The following ZNF814 variants were observed in gnomAD, a reference collection of about 807,000 sequenced individuals.
ZNF814 encodes the protein zinc finger protein 814.
In ZNF814, 5 loss-of-function variants were observed where a neutral mutation model predicts 7.5. The ratio of observed to expected loss-of-function variants is 0.67; its 90% CI spans 0.35 to 1.40. The LOEUF (loss-of-function observed/expected upper bound fraction) is 1.40, where lower values mean the gene tolerates loss of function less well. Among genes scored for constraint, ZNF814 ranks in the 40% most tolerant of loss-of-function variants. ZNF814 has a pLI of 0.04. For missense variants in ZNF814, 962 were observed against 1,018.0 expected (o/e 0.94, Z 0.75); for synonymous variants, 315 against 340.7 (o/e 0.92, Z 0.83).
rs1201440491 is a variant in ZNF814, at chr19:57,871,686, G to A, written c.*1136C>T. ...TCCGTCTTTTCAAGTCAACGTAAGA[G>A]GCCTCTGGGATAAAAATGGGTAACG... On this transcript the variant is annotated 3_prime_UTR_variant, in exon 3 of 3. Coordinates refer to ENST00000435989, the MANE Select transcript of ZNF814 (RefSeq NM_001144989.2). 6.6e-6 allele frequency: 1 copy of A among 151,900 alleles called. No homozygotes were observed. The highest frequency in any genetic ancestry group is 1.5e-5 in the Non-Finnish European group (1 of 68,024). 9.4% of individuals were successfully genotyped at this position (151,900 alleles called of 1,614,324 possible). A position where few individuals can be genotyped will look rare whatever the true frequency, so the allele number is the denominator to read the frequency against.
chr19:57,880,181 T>C (rs1421251914), intron 1 of ZNF814, among the ~76,000 whole-genome samples: 6 of 128,840 alleles, frequency 4.7e-5, no homozygotes, highest in African/African-American at 1.9e-4. Flanking sequence ...TTAGAAAATC[T>C]AGCTGCTCCT....
intron 1 of ZNF814, among the ~76,000 whole-genome samples, chr19:57,882,953 T>A (rs1406156226): frequency 1.3e-5 from 2 of 152,176 alleles, no homozygotes; most frequent in Non-Finnish European, 2.9e-5. Context: ...CAGAGATACA[T>A]GACCTTTCAG....
At chr19:57,893,946 T>G (rs1241888978), upstream of ZNF814, among the ~76,000 whole-genome samples, 2 of 148,620 alleles carry the variant, frequency 1.3e-5, no homozygotes, top group Non-Finnish European at 3.0e-5. Context: ...TAGTCGTGCA[T>G]GTTGGTGTGC....
At chr19:57,888,282 A>G (rs567109486) in intron 1 of ZNF814, among the ~76,000 whole-genome samples, 1 of 152,348 alleles carries the variant, frequency 6.6e-6, no homozygotes, top group South Asian at 2.1e-4. Context: ...TGGAATCACA[A>G]GAGAATTGCC....
chr19:57,902,198 G>C, the ZNF814 span, among the ~76,000 whole-genome samples: 1 of 152,330 alleles, frequency 6.6e-6, no homozygotes, highest in Admixed American at 6.5e-5. Flanking sequence ...ATAGAGTTTG[G>C]TTTGAAGGTG....
At position 57,874,108 on chromosome 19, in the gene ZNF814, G is replaced by T. The variant is rs368554326; in HGVS notation, c.1282C>A (p.Arg428=). Reference sequence around the variant, plus strand: ...TAAGGTTTTTCTCCAGTGTGAAATCGCTGATGTTGAATGAGGCTGCTCTTT... The same window carrying T: ...TAAGGTTTTTCTCCAGTGTGAAATCTCTGATGTTGAATGAGGCTGCTCTTT... The part of the protein sequence containing the change: ...SQKSSLIQHQ[R]FHTGEKPYGC... Residue 428 remains arginine, a synonymous_variant, in exon 3 of 3, where the codon CGA becomes AGA. Coordinates refer to ENST00000435989, the MANE Select transcript of ZNF814 (RefSeq NM_001144989.2). 3.7e-6 allele frequency: 6 copies of T among 1,600,750 alleles called. No homozygotes were observed. Among genetic ancestry groups the T allele is most frequent in the East Asian group, 2.3e-5 (1 of 44,014 alleles).
At chr19:57,891,752 T>C (rs1012903035), upstream of ZNF814, among the ~76,000 whole-genome samples, 21 of 149,906 alleles carry the variant, frequency 1.4e-4, no homozygotes, top group Admixed American at 5.9e-4. Flanking sequence ...TTTATTCCTT[T>C]ACTTTCTTTT....
Position 57,872,841 on chromosome 19 carries a change from T to C in ZNF814, c.2549A>G (p.His850Arg). The change falls in exon 3 of 3, where the codon CAC (histidine) becomes CGC (arginine). Residue 850 changes from histidine to arginine, a missense_variant. Physicochemically the swap from His to Arg is conservative, Grantham distance 29. Coordinates refer to ENST00000435989, the MANE Select transcript of ZNF814 (RefSeq NM_001144989.2). The part of the protein sequence containing the change: ...KSHLLVHQSS[H>R]WRKAI The stretch of plus-strand genomic sequence containing the variant: ...TCACACTCATATGGCTTTTCTCCAG[T>C]GTGAACTCTGGTGTACAAGGAGGTG... 6.2e-7 allele frequency: 1 copy of C among 1,612,760 alleles called. No individual in the cohort carries two copies. Among genetic ancestry groups the C allele is most frequent in the Non-Finnish European group, 8.5e-7 (1 of 1,179,336 alleles).
chr19:57,894,323 G>GC, the ZNF814 span, among the ~76,000 whole-genome samples: 1 of 148,592 alleles, frequency 6.7e-6, no homozygotes, highest in South Asian at 2.1e-4. Flanking sequence ...CTGAGATCAT[G>GC]CCACTGCACT....
In ZNF814 at chr19:57,869,578, C is replaced by A. The variant is rs2051978421; in HGVS notation, c.*3244G>T. 1 of 152,078 alleles carries A rather than the reference C, an allele frequency of 6.6e-6. No individual in the cohort carries two copies. The highest frequency in any genetic ancestry group is 1.5e-5 in the Non-Finnish European group (1 of 68,022). The allele number at this position is 152,078 out of a possible 1,614,324, so 9.4% of individuals were successfully genotyped here. ...TGGTTTCATGGGATTATATGAAACT[C>A]AAGATTTATCACATGCTACAGCTTA... On this transcript the variant is annotated 3_prime_UTR_variant, in exon 3 of 3. Transcript: ENST00000435989.
At chr19:57,879,737 C>G (rs1471250416) in intron 1 of ZNF814, among the ~76,000 whole-genome samples, 1 of 148,512 alleles carries the variant, frequency 6.7e-6, no homozygotes, top group Non-Finnish European at 1.5e-5. Flanking sequence ...TATATTATGC[C>G]TACTCCCAAC....
chr19:57,877,270 C>G (rs1045760433), intron 1 of ZNF814, among the ~76,000 whole-genome samples: 2 of 152,082 alleles, frequency 1.3e-5, no homozygotes, highest in African/African-American at 4.8e-5. Flanking sequence ...GGCACTTTCC[C>G]TAGTATGGCC....
the ZNF814 span, among the ~76,000 whole-genome samples, chr19:57,899,769 A>G: frequency 6.6e-6 from 1 of 152,214 alleles, no homozygotes; most frequent in Non-Finnish European, 1.5e-5. Context: ...TTATTGTTCA[A>G]CAGAATGATC....
At chr19:57,890,401 C>T (rs1433936958), upstream of ZNF814, among the ~76,000 whole-genome samples, 3 of 152,048 alleles carry the variant, frequency 2.0e-5, no homozygotes, top group Admixed American at 2.0e-4. Context: ...TCCTGTTGCC[C>T]AGGCTGAAGT....
At position 57,869,942 on chromosome 19, in the gene ZNF814, C is replaced by CA. The variant is rs57591690; in HGVS notation, c.*2879dup. 66,471 of 132,670 alleles carry CA rather than the reference C, an allele frequency of 0.5. 19,040 individuals are homozygous for CA. The highest frequency in any genetic ancestry group is 0.75 in the South Asian group (3,095 of 4,110). 8.2% of individuals were successfully genotyped at this position (132,670 alleles called of 1,614,324 possible). ...CCTGGCTGACAGTGAGACTCTGTCTCAAAAAAAAAAAAAAAAGGTTGGGCA... is the reference window on the plus strand; with the variant it reads ...CCTGGCTGACAGTGAGACTCTGTCTCAAAAAAAAAAAAAAAAAGGTTGGGCA... On this transcript the variant is annotated 3_prime_UTR_variant, in exon 3 of 3. Coordinates refer to ENST00000435989, the MANE Select transcript of ZNF814 (RefSeq NM_001144989.2).
In ZNF814 at chr19:57,873,445, T is replaced by TCCTA. The variant is rs762260538; in HGVS notation, c.1941_1944dup (p.Asn649Ter). On this transcript the variant is annotated stop_gained and frameshift_variant, in exon 3 of 3. Transcript: ENST00000435989. LOFTEE classifies it low-confidence loss of function (END_TRUNC). ...TCTGTAGTGTGAACTCGCTGATGAT[T>TCCTA]CCTAAGGTGTCCTTTTTCATTAAAA... 9.9e-6 allele frequency: 16 copies of TCCTA among 1,613,750 alleles called. No homozygotes were observed. The highest frequency in any genetic ancestry group is 1.7e-5 in the Admixed American group (1 of 59,926).
rs2071574259 is a variant in ZNF814 at position 57,873,428 on chromosome 19, G to A, written c.1962C>T (p.His654=). The stretch of plus-strand genomic sequence containing the variant: ...CACACTTAAAAGGTCTTTCTGTAGT[G>A]TGAACTCGCTGATGATTCCTAAGGT... ...KGHLRNHQRV[H]TTERPFKCGE... Residue 654 remains histidine, a synonymous_variant, in exon 3 of 3, where the codon CAC becomes CAT. Transcript: ENST00000435989. 1 of 1,613,608 alleles carries A rather than the reference G, an allele frequency of 6.2e-7. No homozygotes were observed. Among genetic ancestry groups the A allele is most frequent in the Non-Finnish European group, 8.5e-7 (1 of 1,179,814 alleles).
intron 1 of ZNF814, among the ~76,000 whole-genome samples, chr19:57,886,287 T>C (rs1427974546): frequency 6.6e-6 from 1 of 152,096 alleles, no homozygotes; most frequent in East Asian, 1.9e-4. Flanking sequence ...TCCTTGGCCC[T>C]GGAGTCAGGT....
chr19:57,870,478 C>T lies in ZNF814; in HGVS notation c.*2344G>A, dbSNP rs994072470. 6.6e-6 allele frequency: 1 copy of T among 152,106 alleles called. No homozygotes were observed. The highest frequency in any genetic ancestry group is 1.5e-5 in the Non-Finnish European group (1 of 68,030). 9.4% of individuals were successfully genotyped at this position (152,106 alleles called of 1,614,324 possible). On this transcript the variant is annotated 3_prime_UTR_variant, in exon 3 of 3. Transcript: ENST00000435989. The stretch of plus-strand genomic sequence containing the variant: ...GCCACATCACTGAACTGAGATCTCC[C>T]TTCTCCCTATCATCTTCCTCCTGTT...
Sources: allele counts gnomAD v4.1 joint callset (sites outside exome capture counted in the v4.1 genomes callset), GRCh38; gene constraint gnomAD v4.1.1; transcripts MANE v1.5; gene names NCBI Gene and HGNC (gene_info 2026-07-23, HGNC 2026-07-21).